SVEP1: variants seen among roughly 807,000 people sequenced by gnomAD.
SVEP1 encodes sushi, von Willebrand factor type A, EGF and pentraxin domain-containing protein 1.
Under a neutral mutation model 367.3 loss-of-function variants are expected in SVEP1, and 164 were observed. That is an observed-to-expected ratio of 0.45 (90% CI 0.39 to 0.51). SVEP1 has a LOEUF of 0.51. SVEP1 is among the 20% of genes least tolerant of loss of function. The probability of loss-of-function intolerance (pLI) is 0.00; values close to 1 mark genes in which losing one functional copy is unlikely to be tolerated. For synonymous variants in SVEP1, 1,666 were observed against 1,611.6 expected (o/e 1.03, Z -0.81); for missense variants, 4,117 against 4,425.3 (o/e 0.93, Z 1.98).
intron 27 of SVEP1, among the ~76,000 whole-genome samples, chr9:110,442,291 C>A (rs1194364796): frequency 6.6e-6 from 1 of 152,212 alleles, no homozygotes; most frequent in Non-Finnish European, 1.5e-5. Context: ...GACCACACGA[C>A]TTTTGCCCAC....
intron 6 of SVEP1, 28 bp downstream of exon 6, chr9:110,503,010 C>G (rs1422432324): frequency 6.3e-6 from 10 of 1,592,664 alleles, no homozygotes; most frequent in East Asian, 2.2e-5. Context: ...ATGAATCACT[C>G]AAGGCATTAC....
At chr9:110,389,762 T>C (rs1827598001) in intron 40 of SVEP1, among the ~76,000 whole-genome samples, 175 bp from the exon 41 acceptor site, 1 of 152,130 alleles carries the variant, frequency 6.6e-6, no homozygotes, top group Non-Finnish European at 1.5e-5. Context: ...TATTTATTTA[T>C]CAAATTGCTT....
intron 8 of SVEP1, among the ~76,000 whole-genome samples, chr9:110,495,716 C>T (rs572225639): frequency 3.3e-5 from 5 of 150,006 alleles, no homozygotes; most frequent in Admixed American, 2.0e-4. Flanking sequence ...TATATGAATA[C>T]TAACCATGTA....
intron 43 of SVEP1, among the ~76,000 whole-genome samples, chr9:110,380,898 T>G (rs1438530285): frequency 6.6e-6 from 1 of 152,200 alleles, no homozygotes; most frequent in Non-Finnish European, 1.5e-5. Context: ...GGATTCAGCT[T>G]TTTCCTGGTT....
chr9:110,444,142 A>G (rs192550005), intron 26 of SVEP1, among the ~76,000 whole-genome samples: 1 of 152,330 alleles, frequency 6.6e-6, no homozygotes, highest in African/African-American at 2.4e-5. Context: ...TGTTTCATAG[A>G]TACTTCATCA....
intron 27 of SVEP1, among the ~76,000 whole-genome samples, chr9:110,440,234 C>T (rs1283454205): frequency 6.6e-6 from 1 of 152,210 alleles, no homozygotes; most frequent in Non-Finnish European, 1.5e-5. Context: ...GTTTCAGCTT[C>T]TTTATCACGT....
intron 8 of SVEP1, among the ~76,000 whole-genome samples, chr9:110,493,694 T>C (rs575900969): frequency 6.6e-6 from 1 of 152,278 alleles, no homozygotes; most frequent in African/African-American, 2.4e-5. Context: ...ATCATGCCAC[T>C]GCACTCCAGC....
chr9:110,479,212 CT>C (rs1289264983), intron 13 of SVEP1, among the ~76,000 whole-genome samples: 6 of 151,708 alleles, frequency 4.0e-5, no homozygotes, highest in Non-Finnish European at 8.8e-5. Context: ...GCCACCGCGC[CT>C]GGTCTGTTTT....
rs1222645136 is a variant in SVEP1 at position 110,514,037 on chromosome 9, T to C, written c.1034A>G (p.Asp345Gly). The C allele has an allele frequency of 1.9e-6, 3 of 1,612,162 alleles. No individual in the cohort carries two copies. The Admixed American group carries it at 5.0e-5, about 27-fold the overall frequency. Residue 345 changes from aspartate (D) to glycine (G), a missense_variant, in exon 4 of 48, where the codon GAT becomes GGT. Asp to Gly is a moderately conservative substitution (Grantham distance 94). This residue lies in a region of SVEP1 where 2,174 missense variants were observed against 2,494.3 expected (regional missense o/e 0.87). Transcript: ENST00000374469. Reference sequence around the variant, plus strand: ...TCCAGGTGGAGAGGTGTGATTTTCATCAGGACATGGAATGCAACTGCTGAT... The same window carrying C: ...TCCAGGTGGAGAGGTGTGATTTTCACCAGGACATGGAATGCAACTGCTGAT... ...GGISSCIPCP[D>G]ENHTSPPGST...
chr9:110,370,344 CTTTGAATGT>C (rs1827257917), intron 46 of SVEP1, among the ~76,000 whole-genome samples: 1 of 152,108 alleles, frequency 6.6e-6, no homozygotes, highest in South Asian at 2.1e-4. Flanking sequence ...CAATCTGACA[CTTTGAATGT>C]TTTGAACTAT....
At chr9:110,429,438 A>G (rs1162353247) in intron 34 of SVEP1, 104 bp from the exon 35 acceptor site, 1 of 863,326 alleles carries the variant, frequency 1.2e-6, no homozygotes, top group East Asian at 2.9e-5. Context: ...TACATATTGG[A>G]AAAGTTGATT....
chr9:110,391,094 T>A (rs1039105450), intron 40 of SVEP1, among the ~76,000 whole-genome samples: 1 of 152,280 alleles, frequency 6.6e-6, no homozygotes, highest in South Asian at 2.1e-4. Context: ...TTCCTTAATA[T>A]TAATAAAATG....
intron 23 of SVEP1, among the ~76,000 whole-genome samples, 194 bp from the exon 24 acceptor site, chr9:110,450,454 T>G (rs963861373): frequency 6.7e-6 from 1 of 149,198 alleles, no homozygotes; most frequent in South Asian, 2.1e-4. Context: ...GGACTCTGAG[T>G]TTTTGATAAT....
Position 110,579,266 on chromosome 9 carries a change from C to G in SVEP1, c.278G>C (p.Ser93Thr), listed in dbSNP as rs767737401. 1.3e-6 allele frequency: 2 copies of G among 1,572,316 alleles called. No individual in the cohort carries two copies. Among genetic ancestry groups the G allele is most frequent in the East Asian group, 2.4e-5 (1 of 42,404 alleles). ...GCTGCGGAAGTTGACTTCGCCCACG[C>G]TGGACGAATCATCCACCAGGAAGAC... ...ELVFLVDDSS[S>T]VGEVNFRSEL... The change falls in exon 1 of 48, where the codon AGC becomes ACC. Residue 93 changes from serine (S) to threonine (T), a missense_variant. Transcript: ENST00000374469. The surrounding 1 kb of genome is among the most constrained non-coding windows in gnomAD (Gnocchi z 5.3).
chr9:110,495,648 CTT>C (rs1829434611), intron 8 of SVEP1, among the ~76,000 whole-genome samples: 1 of 150,658 alleles, frequency 6.6e-6, no homozygotes, highest in Admixed American at 6.6e-5. Context: ...ATTGGTCCAA[CTT>C]ATATATATTT....
At chr9:110,498,428 T>C (rs78742138) in intron 7 of SVEP1, among the ~76,000 whole-genome samples, 3,016 of 152,292 alleles carry the variant, frequency 0.02, 49 homozygotes, top group Middle Eastern at 0.027. Flanking sequence ...ATCTTTTTGG[T>C]TTGATCAATT....
intron 1 of SVEP1, among the ~76,000 whole-genome samples, chr9:110,555,061 T>A (rs1053373766): frequency 1.3e-5 from 2 of 152,194 alleles, no homozygotes; most frequent in Non-Finnish European, 2.9e-5. Flanking sequence ...TTGCTTTCTG[T>A]CTGAGTTGTT....
rs763291917 is a variant in SVEP1 at position 110,499,112 on chromosome 9, C to G, written c.1610G>C (p.Gly537Ala). 6.2e-7 allele frequency: 1 copy of G among 1,613,760 alleles called. No homozygotes were observed. The highest frequency in any genetic ancestry group is 1.7e-5 in the Admixed American group (1 of 59,950). ...VSCRQGFILSGVKEMLRCTTS... is the reference protein window; with the variant it reads ...VSCRQGFILSAVKEMLRCTTS... Reference sequence around the variant, plus strand: ...GGTACATCTCAGCATTTCTTTGACTCCAGATAAAATGAACCCTTGGCGGCA... The same window carrying G: ...GGTACATCTCAGCATTTCTTTGACTGCAGATAAAATGAACCCTTGGCGGCA... The change falls in exon 7 of 48, where the codon GGA becomes GCA. Residue 537 changes from glycine to alanine, a missense_variant. Gly to Ala is a moderately conservative substitution (Grantham distance 60, BLOSUM62 0). Coordinates refer to ENST00000374469, the MANE Select transcript of SVEP1 (RefSeq NM_153366.4).
intron 27 of SVEP1, chr9:110,442,854 ATATT>A (rs1828532507): frequency 6.6e-6 from 1 of 152,194 alleles, no homozygotes; most frequent in Non-Finnish European, 1.5e-5. Context: ...TTTTTGTGCT[ATATT>A]TATTAGTATA....
Sources: gnomAD v4.1 joint callset for allele counts (sites outside exome capture counted in the v4.1 genomes callset) on GRCh38, gnomAD v4.1.1 for gene constraint, gnomAD v4.1.1 regional missense constraint, Gnocchi (gnomAD v3.1) non-coding constraint, MANE v1.5 for transcripts, NCBI Gene and HGNC (gene_info 2026-07-23, HGNC 2026-07-21) for gene names.